ZAR1: variants seen among roughly 807,000 people sequenced by gnomAD.
ZAR1 encodes zygote arrest 1.
A neutral mutation model predicts 38.3 loss-of-function variants in ZAR1; 37 were observed. That is an observed-to-expected ratio of 0.97 (90% CI 0.74 to 1.27). ZAR1 has a LOEUF of 1.27. ZAR1 is among the 50% of genes most tolerant of loss of function. ZAR1 has a pLI of 0.00. For synonymous variants in ZAR1, 336 were observed against 292.0 expected, an observed-to-expected ratio of 1.15 and a Z score of -1.53; for missense variants, 651 against 632.4, an observed-to-expected ratio of 1.03 and a Z score of -0.32.
At chr4:48,494,799 A>G (rs1718541920), downstream of ZAR1, among the ~76,000 whole-genome samples, 3 of 152,196 alleles carry the variant, frequency 2.0e-5, no homozygotes, top group South Asian at 2.1e-4. Context: ...TTGAGTAAGA[A>G]TGCTGAGTGG....
At chr4:48,491,316 T>G (rs1197256694) in intron 1 of ZAR1, 62 bp downstream of exon 1, 2 of 1,183,114 alleles carry the variant, frequency 1.7e-6, no homozygotes, top group Admixed American at 8.5e-5. Context: ...TCCTTGGGCC[T>G]GGCCCTGTGA....
At position 48,494,376 on chromosome 4, in the gene ZAR1, G is replaced by A. The variant is rs1471882470; in HGVS notation, c.*132G>A. The A allele has an allele frequency of 6.9e-6, 8 of 1,160,736 alleles. No individual in the cohort carries two copies. Among genetic ancestry groups the A allele is most frequent in the Non-Finnish European group, 8.6e-6 (7 of 811,154 alleles). The allele number at this position is 1,160,736 out of a possible 1,614,324, so 71.9% of individuals were successfully genotyped here. A position where few individuals can be genotyped will look rare whatever the true frequency, so the allele number is the denominator to read the frequency against. On this transcript the variant is annotated 3_prime_UTR_variant, in exon 4 of 4. Coordinates refer to ENST00000327939, the MANE Select transcript of ZAR1 (RefSeq NM_175619.3). ...ATTCTGAAAAAGCCTTCAAATAAAG[G>A]TATTGCAACACGATTTATACATTGC...
downstream of ZAR1, among the ~76,000 whole-genome samples, chr4:48,496,026 G>A (rs1718589978): frequency 6.6e-6 from 1 of 152,140 alleles, no homozygotes; most frequent in Non-Finnish European, 1.5e-5. Flanking sequence ...AAGCTCCTGG[G>A]CTCAAGTGAT....
intron 3 of ZAR1, 74 bp downstream of exon 3, chr4:48,493,086 C>G: frequency 7.1e-7 from 1 of 1,399,930 alleles, no homozygotes; most frequent in Non-Finnish European, 1.0e-6. Flanking sequence ...GAGTATACTT[C>G]CAAAAAGAGG....
Position 48,490,377 on chromosome 4 carries a change from C to T in ZAR1, c.86C>T (p.Ala29Val). 6.6e-6 allele frequency: 10 copies of T among 1,503,990 alleles called. No individual in the cohort carries two copies. Among genetic ancestry groups the T allele is most frequent in the Non-Finnish European group, 8.8e-6 (10 of 1,132,952 alleles). The allele number at this position is 1,503,990 out of a possible 1,614,324, so 93.2% of individuals were successfully genotyped here. Reference sequence around the variant, plus strand: ...TCGTACCGGTACCCATACCCCGCGGCCACCAAGGGCAAGGGCGCGGCGGGC... The same window carrying T: ...TCGTACCGGTACCCATACCCCGCGGTCACCAAGGGCAAGGGCGCGGCGGGC... ...PCSYRYPYPA[A>V]TKGKGAAGGS... is the part of the protein sequence containing the mutation. The change falls in exon 1 of 4, where the codon GCC becomes GTC. Residue 29 changes from alanine to valine, a missense_variant. Physicochemically the swap from Ala to Val is moderately conservative, Grantham distance 64. Transcript: ENST00000327939.
rs1718417024 is a variant in ZAR1, at chr4:48,490,914, C to T, written c.623C>T (p.Ala208Val). 2 of 1,358,556 alleles carry T rather than the reference C, an allele frequency of 1.5e-6. No homozygotes were observed. The highest frequency in any genetic ancestry group is 3.1e-5 in the East Asian group (1 of 32,192). 84.2% of individuals were successfully genotyped at this position (1,358,556 alleles called of 1,614,324 possible). A position where few individuals can be genotyped will look rare whatever the true frequency, so the allele number is the denominator to read the frequency against. ...GPAAGEQRSG[A>V]SDGERGPPPA... ...GCGGCGGGCGAGCAGAGGTCCGGGG[C>T]GTCGGACGGAGAGAGGGGGCCGCCG... Residue 208 changes from alanine to valine, a missense_variant, in exon 1 of 4, where the codon GCG (alanine) becomes GTG (valine). Physicochemically the swap from Ala to Val is moderately conservative, Grantham distance 64. Transcript: ENST00000327939.
chr4:48,496,389 C>T (rs1718612455), downstream of ZAR1, among the ~76,000 whole-genome samples: 1 of 149,834 alleles, frequency 6.7e-6, no homozygotes, highest in Non-Finnish European at 1.5e-5. Flanking sequence ...ATAGTATTTG[C>T]TCAATGAATG....
intron 1 of ZAR1, among the ~76,000 whole-genome samples, chr4:48,491,535 C>T (rs1355262965): frequency 6.6e-6 from 1 of 151,022 alleles, no homozygotes; most frequent in Non-Finnish European, 1.5e-5. Context: ...CACTGTAAAC[C>T]TCGCGCAGTG....
At position 48,490,343 on chromosome 4, in the gene ZAR1, C is replaced by A; in HGVS notation, c.52C>A (p.Pro18Thr). 6.6e-7 allele frequency: 1 copy of A among 1,513,470 alleles called. No homozygotes were observed. The highest frequency in any genetic ancestry group is 8.8e-7 in the Non-Finnish European group (1 of 1,137,054). 93.8% of individuals were successfully genotyped at this position (1,513,470 alleles called of 1,614,324 possible). The stretch of plus-strand genomic sequence containing the variant: ...GGACGGTTACGTGTTCCCGGCGTGC[C>A]CCCCCTGCTCGTACCGGTACCCATA... The part of the protein sequence containing the change: ...VLDGYVFPAC[P>T]PCSYRYPYPA... The change falls in exon 1 of 4, where the codon CCC becomes ACC. Residue 18 changes from proline to threonine, a missense_variant. Coordinates refer to ENST00000327939, the MANE Select transcript of ZAR1 (RefSeq NM_175619.3).
chr4:48,496,660 CTATG>C (rs1034255213), downstream of ZAR1, among the ~76,000 whole-genome samples: 4 of 152,148 alleles, frequency 2.6e-5, no homozygotes, highest in African/African-American at 9.7e-5. Context: ...CTGCCAAACT[CTATG>C]TGTACAATCC....
chr4:48,492,923 T>C lies in ZAR1; in HGVS notation c.1057-15T>C. 1 of 1,614,198 alleles carries C rather than the reference T, an allele frequency of 6.2e-7. No individual in the cohort carries two copies. Among genetic ancestry groups the C allele is most frequent in the Non-Finnish European group, 8.5e-7 (1 of 1,180,014 alleles). On this transcript the variant is annotated splice_polypyrimidine_tract_variant and intron_variant, in intron 2 of 3. Coordinates refer to ENST00000327939, the MANE Select transcript of ZAR1 (RefSeq NM_175619.3). The stretch of plus-strand genomic sequence containing the variant: ...TGTCAAGGCGATTTTAAGTTTATCC[T>C]CTTTGTCATCACAGGTTTACTTCAA...
At position 48,490,554 on chromosome 4, in the gene ZAR1, C is replaced by A. The variant is rs1718396307; in HGVS notation, c.263C>A (p.Ala88Glu). 6.9e-7 allele frequency: 1 copy of A among 1,442,088 alleles called. No individual in the cohort carries two copies. The highest frequency in any genetic ancestry group is 9.0e-7 in the Non-Finnish European group (1 of 1,107,082). 89.3% of individuals were successfully genotyped at this position (1,442,088 alleles called of 1,614,324 possible). Residue 88 changes from alanine to glutamate, a missense_variant, in exon 1 of 4, where the codon GCG becomes GAG. Coordinates refer to ENST00000327939, the MANE Select transcript of ZAR1 (RefSeq NM_175619.3). ...YQRERLMALL[A>E]QVGPGLGPRA... is the part of the protein sequence containing the mutation. ...CGGGAGCGGCTCATGGCTCTCCTGG[C>A]GCAGGTGGGGCCGGGTCTCGGGCCG...
rs143281400 is a variant in ZAR1, at chr4:48,493,005, C to T, written c.1124C>T (p.Thr375Ile). ...SYNPYRVEDI[T>I]CQSCKQTRCS... is the part of the protein sequence containing the mutation. ...AACCCTTACCGAGTGGAGGATATCA[C>T]CTGTCAAGTAAATCAGATGTTTTGC... The change falls in exon 3 of 4, where the codon ACC becomes ATC. Residue 375 changes from threonine (T) to isoleucine (I), a missense_variant. Physicochemically the swap from Thr to Ile is moderately conservative, Grantham distance 89 (BLOSUM62 -1). Coordinates refer to ENST00000327939, the MANE Select transcript of ZAR1 (RefSeq NM_175619.3). The T allele has an allele frequency of 1.3e-5, 21 of 1,613,972 alleles. No individual in the cohort carries two copies. The highest frequency in any genetic ancestry group is 1.6e-4 in the Middle Eastern group (1 of 6,084).
rs1422042701 is a variant in ZAR1, at chr4:48,491,152, G to A, written c.861G>A (p.Ala287=). 2 of 1,241,136 alleles carry A rather than the reference G, an allele frequency of 1.6e-6. No individual in the cohort carries two copies. The highest frequency in any genetic ancestry group is 3.2e-5 in the East Asian group (1 of 31,670). The allele number at this position is 1,241,136 out of a possible 1,614,324, so 76.9% of individuals were successfully genotyped here. The part of the protein sequence containing the change: ...ALRSPGQPPS[A]GRARDGGDGR... Reference sequence around the variant, plus strand: ...GGAGCCCGGGGCAACCTCCGTCGGCGGGGAGGGCCCGAGACGGCGGCGACG... The same window carrying A: ...GGAGCCCGGGGCAACCTCCGTCGGCAGGGAGGGCCCGAGACGGCGGCGACG... Residue 287 remains alanine, a synonymous_variant, in exon 1 of 4, where the codon GCG becomes GCA. Coordinates refer to ENST00000327939, the MANE Select transcript of ZAR1 (RefSeq NM_175619.3).
downstream of ZAR1, among the ~76,000 whole-genome samples, chr4:48,496,912 G>A (rs1718642580): frequency 1.3e-5 from 2 of 152,160 alleles, no homozygotes; most frequent in South Asian, 4.1e-4. Context: ...TATGTGAGCA[G>A]TATTCACTCA....
intron 1 of ZAR1, among the ~76,000 whole-genome samples, chr4:48,491,656 A>G (rs954741881): frequency 6.6e-6 from 1 of 152,190 alleles, no homozygotes; most frequent in Non-Finnish European, 1.5e-5. Flanking sequence ...CCTCTCTCCC[A>G]TTTCCGCACT....
Position 48,492,811 on chromosome 4 carries a change from A to G in ZAR1, c.1009A>G (p.Ile337Val), listed in dbSNP as rs781680931. ...YGYYHCKDCN[I>V]RWESAYVWCV... ...CTATTACCACTGCAAGGACTGCAAC[A>G]TCCGCTGGGAGAGTGCTTATGTGTG... Residue 337 changes from isoleucine to valine, a missense_variant, in exon 2 of 4, where the codon ATC (isoleucine) becomes GTC (valine). This residue lies in a region of ZAR1 where 129 missense variants were observed against 172.5 expected (regional missense o/e 0.75). Transcript: ENST00000327939. The G allele has an allele frequency of 6.2e-6, 10 of 1,614,122 alleles. No individual in the cohort carries two copies. In the East Asian group the frequency reaches 2.0e-4, roughly 32 times the overall value.
Position 48,490,843 on chromosome 4 carries a change from C to T in ZAR1, c.552C>T (p.Pro184=). 1 of 1,493,094 alleles carries T rather than the reference C, an allele frequency of 6.7e-7. No individual in the cohort carries two copies. Among genetic ancestry groups the T allele is most frequent in the Non-Finnish European group, 8.9e-7 (1 of 1,128,712 alleles). The allele number at this position is 1,493,094 out of a possible 1,614,324, so 92.5% of individuals were successfully genotyped here. ...CGCGCACCGTCGCCGTGTACTCGCC[C>T]CTGGCCTTGCGCCGTCTCACCGCCT... The part of the protein sequence containing the change: ...RFPRTVAVYS[P]LALRRLTAFL... Residue 184 remains proline (P), a synonymous_variant, in exon 1 of 4, where the codon CCC becomes CCT. Transcript: ENST00000327939.
Position 48,494,324 on chromosome 4 carries a change from C to T in ZAR1, c.*80C>T. 1 of 1,543,028 alleles carries T rather than the reference C, an allele frequency of 6.5e-7. No homozygotes were observed. Among genetic ancestry groups the T allele is most frequent in the Non-Finnish European group, 8.9e-7 (1 of 1,128,932 alleles). Reference sequence around the variant, plus strand: ...CGTGCCTCTCCTCCACCTCTCCCTTCTCAAAATACTTCATGAAAGGCAGTG... The same window carrying T: ...CGTGCCTCTCCTCCACCTCTCCCTTTTCAAAATACTTCATGAAAGGCAGTG... On this transcript the variant is annotated 3_prime_UTR_variant, in exon 4 of 4. Transcript: ENST00000327939.
Sources: gnomAD v4.1 joint callset for allele counts (sites outside exome capture counted in the v4.1 genomes callset) on GRCh38, gnomAD v4.1.1 for gene constraint, gnomAD v4.1.1 regional missense constraint, MANE v1.5 for transcripts, NCBI Gene and HGNC (gene_info 2026-07-23, HGNC 2026-07-21) for gene names.